Variants in UGDH observed in about 807,000 individuals in gnomAD.
UGDH encodes UDP-Glc dehydrogenase.
A neutral mutation model predicts 50.6 loss-of-function variants in UGDH; 38 were observed. That is an observed-to-expected ratio of 0.75 (90% CI 0.58 to 0.98). The LOEUF (loss-of-function observed/expected upper bound fraction) is 0.98, where lower values mean the gene tolerates loss of function less well. Among genes scored for constraint, UGDH ranks in the 50% least tolerant of loss-of-function variants. The probability of loss-of-function intolerance (pLI) is 0.00; values close to 1 mark genes in which losing one functional copy is unlikely to be tolerated. For synonymous variants in UGDH, 168 were observed against 199.9 expected (o/e 0.84, Z 1.35); for missense variants, 465 against 606.2 (o/e 0.77, Z 2.45).
At chr4:39,525,930 G>A (rs938367621) in intron 1 of UGDH, among the ~76,000 whole-genome samples, 1 of 152,186 alleles carries the variant, frequency 6.6e-6, no homozygotes, top group Non-Finnish European at 1.5e-5. Flanking sequence ...TATTTTGGGA[G>A]AGTCACAACA....
chr4:39,504,239 C>T (rs1277218544), intron 10 of UGDH, among the ~76,000 whole-genome samples, 178 bp downstream of exon 10: 1 of 151,492 alleles, frequency 6.6e-6, no homozygotes, highest in East Asian at 1.9e-4. Flanking sequence ...ACCCAGGAGG[C>T]AGAGCTTGCA....
intron 3 of UGDH, among the ~76,000 whole-genome samples, chr4:39,511,982 C>A (rs1746263964): frequency 6.8e-6 from 1 of 146,558 alleles, no homozygotes; most frequent in African/African-American, 2.5e-5. Flanking sequence ...GGATTACAGG[C>A]ATGAGCCACT....
chr4:39,520,516 G>A (rs1204157911), intron 2 of UGDH, among the ~76,000 whole-genome samples: 1 of 151,966 alleles, frequency 6.6e-6, no homozygotes, highest in East Asian at 1.9e-4. Context: ...AGATAGCTCA[G>A]TAAAATAGTT....
At chr4:39,526,225 G>T (rs1383937553) in intron 1 of UGDH, among the ~76,000 whole-genome samples, 2 of 152,126 alleles carry the variant, frequency 1.3e-5, no homozygotes, top group African/African-American at 4.8e-5. Context: ...TAAGAAAGCC[G>T]GTATTAATTT....
intron 7 of UGDH, among the ~76,000 whole-genome samples, chr4:39,507,201 G>A (rs1260539670): frequency 6.6e-6 from 1 of 152,154 alleles, no homozygotes; most frequent in East Asian, 1.9e-4. Flanking sequence ...GATTAAATGA[G>A]ATACTGTATG....
At chr4:39,527,052 C>A in intron 1 of UGDH, 1 of 1,289,400 alleles carries the variant, frequency 7.8e-7, no homozygotes, top group Non-Finnish European at 1.0e-6. Context: ...GGAAGACTCA[C>A]GAGTCTTGAA....
At chr4:39,527,079 C>T (rs1271833597) in intron 1 of UGDH, 1 of 1,289,308 alleles carries the variant, frequency 7.8e-7, no homozygotes, top group African/African-American at 1.5e-5. Context: ...GCCCAGACGA[C>T]CACATCCCCA....
At chr4:39,511,684 T>C (rs1376496276) in intron 3 of UGDH, among the ~76,000 whole-genome samples, 3 of 151,894 alleles carry the variant, frequency 2.0e-5, no homozygotes, top group Non-Finnish European at 2.9e-5. Flanking sequence ...CTTCAGGATA[T>C]AGAATACTAT....
intron 2 of UGDH, among the ~76,000 whole-genome samples, chr4:39,518,661 T>C (rs1415385889): frequency 2.0e-5 from 3 of 149,696 alleles, no homozygotes; most frequent in East Asian, 2.0e-4. Context: ...GGTCTTGCAA[T>C]GTTGCCCAGG....
chr4:39,503,433 G>A (rs543353563), intron 11 of UGDH, among the ~76,000 whole-genome samples: 2 of 152,308 alleles, frequency 1.3e-5, no homozygotes, highest in South Asian at 4.1e-4. Context: ...CACTGGCACA[G>A]TGCTGAGTAC....
At chr4:39,503,142 C>T (rs1456355789) in intron 11 of UGDH, among the ~76,000 whole-genome samples, 1 of 152,176 alleles carries the variant, frequency 6.6e-6, no homozygotes, top group Non-Finnish European at 1.5e-5. Flanking sequence ...GTCTCGAACT[C>T]CTGACCTTGT....
At chr4:39,510,263 T>TAA (rs1256003261) in intron 5 of UGDH, 90 bp downstream of exon 5, 1 of 1,314,900 alleles carries the variant, frequency 7.6e-7, no homozygotes, top group East Asian at 2.3e-5. Flanking sequence ...CTCTTACTAC[T>TAA]ATTAAAAAAG....
chr4:39,525,561 C>A (rs1444822027), intron 1 of UGDH, among the ~76,000 whole-genome samples: 1 of 147,542 alleles, frequency 6.8e-6, no homozygotes, highest in Non-Finnish European at 1.5e-5. Flanking sequence ...GGTTGGAGTG[C>A]AGTGGCGCAA....
chr4:39,514,132 G>A lies in UGDH; in HGVS notation c.215C>T (p.Ser72Phe). ...TTTGATGGCATCATCAATATTGGTA[G>A]AAAAAAAAAGATTTTTTCCTCGACA... ...ESCRGKNLFF[S>F]TNIDDAIKEA... The change falls in exon 3 of 12, where the codon TCT becomes TTT. Residue 72 changes from serine to phenylalanine, a missense_variant. Ser to Phe is a radical substitution (Grantham distance 155). Transcript: ENST00000316423. The A allele has an allele frequency of 1.3e-6, 2 of 1,567,102 alleles. No individual in the cohort carries two copies. Among genetic ancestry groups the A allele is most frequent in the Non-Finnish European group, 8.6e-7 (1 of 1,162,906 alleles).
intron 2 of UGDH, among the ~76,000 whole-genome samples, chr4:39,517,254 G>A (rs1746472398): frequency 6.7e-6 from 1 of 149,594 alleles, no homozygotes. Context: ...CTAGGCTGGA[G>A]TGCAGTGGCG....
rs1746209028 is a variant in UGDH, at chr4:39,510,644, T to C, written c.465+17A>G. The C allele has an allele frequency of 1.9e-6, 3 of 1,614,110 alleles. No individual in the cohort carries two copies. ...TTACATAAGAATAACCAGATTCTAATGCTTCATTTTTTATACCTGTAAATT... is the reference window on the plus strand; with the variant it reads ...TTACATAAGAATAACCAGATTCTAACGCTTCATTTTTTATACCTGTAAATT... On this transcript the variant is annotated intron_variant, in intron 4 of 11. Transcript: ENST00000316423.
intron 1 of UGDH, among the ~76,000 whole-genome samples, chr4:39,525,236 G>A (rs1486429443): frequency 1.3e-5 from 2 of 152,128 alleles, no homozygotes; most frequent in Admixed American, 1.3e-4. Flanking sequence ...CACTGTCACC[G>A]AGGCTGGAGT....
chr4:39,510,208 T>C (rs1021047562), intron 5 of UGDH, 145 bp downstream of exon 5: 7 of 883,972 alleles, frequency 7.9e-6, no homozygotes, highest in Non-Finnish European at 1.2e-5. Context: ...GTGAAAATTA[T>C]TTCATAATTT....
chr4:39,523,239 A>G (rs893888284), intron 1 of UGDH, among the ~76,000 whole-genome samples: 6 of 151,774 alleles, frequency 4.0e-5, no homozygotes, highest in African/African-American at 1.5e-4. Context: ...TTTAGTAGAG[A>G]CAGGGTTTTG....
Sources: gnomAD v4.1 joint callset for allele counts (sites outside exome capture counted in the v4.1 genomes callset) on GRCh38, gnomAD v4.1.1 for gene constraint, MANE v1.5 for transcripts, NCBI Gene and HGNC (gene_info 2026-07-23, HGNC 2026-07-21) for gene names.